SLC45A4: variants seen among roughly 807,000 people sequenced by gnomAD.
SLC45A4 encodes polyamine-transporter SLC45A4.
SLC45A4 carries 32 observed loss-of-function variants against 63.7 expected under a neutral mutation model. The observed-to-expected ratio is 0.50, with a 90% CI of 0.38 to 0.67. SLC45A4 has a LOEUF of 0.67. Ranked by LOEUF, SLC45A4 falls within the 30% of genes least tolerant of loss-of-function variation. SLC45A4 has a pLI of 0.00. For missense variants in SLC45A4, 1,027 were observed against 1,157.7 expected (o/e 0.89, Z 1.64); for synonymous variants, 535 against 510.0 (o/e 1.05, Z -0.66).
intron 2 of SLC45A4, among the ~76,000 whole-genome samples, chr8:141,246,680 GTC>G (rs1246383720): frequency 2.1e-5 from 1 of 48,766 alleles, no homozygotes; most frequent in East Asian, 4.5e-4. Context: ...TATCTCAGGG[GTC>G]TCTTAGAGCC....
chr8:141,301,051 C>T (rs1037925173), intron 1 of SLC45A4, among the ~76,000 whole-genome samples: 1 of 152,176 alleles, frequency 6.6e-6, no homozygotes, highest in Non-Finnish European at 1.5e-5. Flanking sequence ...AAACGCCTGC[C>T]TAAAACTGGA....
intron 1 of SLC45A4, among the ~76,000 whole-genome samples, chr8:141,273,054 T>C (rs1829599764): frequency 6.6e-6 from 1 of 152,212 alleles, no homozygotes; most frequent in Non-Finnish European, 1.5e-5. Context: ...GTCCGACACG[T>C]AGCAAACACG....
At chr8:141,216,358 G>A (rs531649962) in intron 6 of SLC45A4, among the ~76,000 whole-genome samples, 1 of 152,332 alleles carries the variant, frequency 6.6e-6, no homozygotes, top group East Asian at 1.9e-4. Context: ...CCTGCCTCGG[G>A]AACACACATT....
chr8:141,288,381 T>C (rs1004584837), intron 1 of SLC45A4, among the ~76,000 whole-genome samples: 1 of 152,192 alleles, frequency 6.6e-6, no homozygotes, highest in Non-Finnish European at 1.5e-5. Flanking sequence ...GTAAGAGAAA[T>C]GCAAATTGCA....
chr8:141,235,743 G>T (rs765269474), intron 2 of SLC45A4, among the ~76,000 whole-genome samples: 1 of 152,180 alleles, frequency 6.6e-6, no homozygotes, highest in African/African-American at 2.4e-5. Context: ...TCACGTTCTC[G>T]AATGAAAAAT....
intron 1 of SLC45A4, among the ~76,000 whole-genome samples, chr8:141,303,262 GCTGGGACTATAGGCACGTGCCAT>G (rs1830802688): frequency 6.6e-6 from 1 of 151,358 alleles, no homozygotes; most frequent in African/African-American, 2.4e-5. Flanking sequence ...CGCCTAAAGT[GCTGGGACTATAGGCACGTGCCAT>G]CGTGCCCGGC....
At chr8:141,248,756 T>C (rs1339761177) in intron 2 of SLC45A4, among the ~76,000 whole-genome samples, 7 of 151,992 alleles carry the variant, frequency 4.6e-5, no homozygotes, top group Admixed American at 2.6e-4. Flanking sequence ...AGCTCACATC[T>C]GTAATTACAG....
intron 1 of SLC45A4, among the ~76,000 whole-genome samples, chr8:141,307,047 G>C (rs1304068407): frequency 6.6e-6 from 1 of 152,230 alleles, no homozygotes; most frequent in East Asian, 1.9e-4. Flanking sequence ...CCGCACTGGA[G>C]AGACACAAAC....
At chr8:141,300,771 C>T (rs979917721) in intron 1 of SLC45A4, among the ~76,000 whole-genome samples, 1 of 152,272 alleles carries the variant, frequency 6.6e-6, no homozygotes, top group African/African-American at 2.4e-5. Context: ...CACTGTCTTA[C>T]ATTTTAGCCC....
At chr8:141,219,999 T>C (rs1430664623) in intron 3 of SLC45A4, among the ~76,000 whole-genome samples, 170 bp from the exon 4 acceptor site, 1 of 152,226 alleles carries the variant, frequency 6.6e-6, no homozygotes, top group Non-Finnish European at 1.5e-5. Flanking sequence ...GGAAAGGAGT[T>C]GGGCTTTGTT....
At chr8:141,239,669 T>A (rs1827808598) in intron 2 of SLC45A4, among the ~76,000 whole-genome samples, 1 of 152,156 alleles carries the variant, frequency 6.6e-6, no homozygotes, top group African/African-American at 2.4e-5. Context: ...TCTCAATTCT[T>A]GCCAAAGATG....
At chr8:141,244,057 C>G (rs1828045019) in intron 2 of SLC45A4, among the ~76,000 whole-genome samples, 1 of 152,118 alleles carries the variant, frequency 6.6e-6, no homozygotes, top group Non-Finnish European at 1.5e-5. Flanking sequence ...CTGAGCTGCT[C>G]AAGGGTCAGC....
chr8:141,275,916 C>CTT (rs112975787), intron 1 of SLC45A4, among the ~76,000 whole-genome samples: 67 of 144,286 alleles, frequency 4.6e-4, no homozygotes, highest in African/African-American at 1.6e-3. Flanking sequence ...CTAAACTTTA[C>CTT]TTTTTTTTTT....
chr8:141,254,181 C>T lies in SLC45A4; in HGVS notation c.49G>A (p.Glu17Lys). 1 of 1,536,060 alleles carries T rather than the reference C, an allele frequency of 6.5e-7. No individual in the cohort carries two copies. The highest frequency in any genetic ancestry group is 2.0e-5 in the Admixed American group (1 of 50,996). ...NADPESMQVQ[E>K]LSVPLPDPQK... ...GGGTCCGGCAGGGGCACGGATAACT[C>T]TTGAACTTGCATAGATTCCGGGTCG... is the stretch of plus-strand genomic sequence containing the variant. Residue 17 changes from glutamate to lysine, a missense_variant, in exon 2 of 9, where the codon GAG (glutamate) becomes AAG (lysine). Coordinates refer to ENST00000517878, the MANE Select transcript of SLC45A4 (RefSeq NM_001286646.2). The surrounding 1 kb of genome is among the most constrained non-coding windows in gnomAD (Gnocchi z 4.5).
At chr8:141,298,878 G>A (rs549941942) in intron 1 of SLC45A4, among the ~76,000 whole-genome samples, 5 of 152,074 alleles carry the variant, frequency 3.3e-5, no homozygotes, top group African/African-American at 1.2e-4. Flanking sequence ...ATTTCTCCAC[G>A]CAGAAGACAA....
rs769021162 is a variant in SLC45A4 at position 141,217,148 on chromosome 8, C to A, written c.1671G>T (p.Gly557=). The A allele has an allele frequency of 1.9e-6, 3 of 1,613,844 alleles. No individual in the cohort carries two copies. The highest frequency in any genetic ancestry group is 3.3e-5 in the Admixed American group (2 of 60,012). The change falls in exon 6 of 9, where the codon GGG becomes GGT. Residue 557 remains glycine (G), a synonymous_variant. Transcript: ENST00000517878. Reference sequence around the variant, plus strand: ...CCAGGCCCCAGCAGCCCATCTTGACCCCGGCGTTGTAGGCTTGCCAGGCGG... The same window carrying A: ...CCAGGCCCCAGCAGCCCATCTTGACACCGGCGTTGTAGGCTTGCCAGGCGG... ...NSTAWQAYNA[G]VKMGCWGLVI...
chr8:141,211,367 C>T lies in SLC45A4; in HGVS notation c.*205G>A. ...CTCACACGCGCACGCAGGAGCTCGT[C>T]TGGAGCTCACGCTCCGCCCCCAGGT... is the stretch of plus-strand genomic sequence containing the variant. On this transcript the variant is annotated 3_prime_UTR_variant, in exon 9 of 9. Coordinates refer to ENST00000517878, the MANE Select transcript of SLC45A4 (RefSeq NM_001286646.2). 1 of 1,458,100 alleles carries T rather than the reference C, an allele frequency of 6.9e-7. No individual in the cohort carries two copies. The highest frequency in any genetic ancestry group is 2.3e-5 in the East Asian group (1 of 42,830). The allele number at this position is 1,458,100 out of a possible 1,614,324, so 90.3% of individuals were successfully genotyped here.
intron 1 of SLC45A4, among the ~76,000 whole-genome samples, chr8:141,297,209 C>T (rs1413039318): frequency 6.6e-6 from 1 of 152,160 alleles, no homozygotes; most frequent in Non-Finnish European, 1.5e-5. Flanking sequence ...TCCCTGGCTG[C>T]CTTCCCCTCT....
intron 2 of SLC45A4, among the ~76,000 whole-genome samples, chr8:141,234,879 G>A (rs138813273): frequency 6.6e-6 from 1 of 152,216 alleles, no homozygotes; most frequent in African/African-American, 2.4e-5. Context: ...GTCACTGTGA[G>A]CTTTTGCTCC....
Sources: allele counts gnomAD v4.1 joint callset (sites outside exome capture counted in the v4.1 genomes callset), GRCh38; gene constraint gnomAD v4.1.1; non-coding constraint Gnocchi (gnomAD v3.1); transcripts MANE v1.5; gene names NCBI Gene and HGNC (gene_info 2026-07-23, HGNC 2026-07-21).